TGIF1: variants seen among roughly 807,000 people sequenced by gnomAD.
TGIF1 encodes the protein TGFB induced factor homeobox 1, also known as homeobox protein TGIF1.
In TGIF1, 4 loss-of-function variants were observed where a neutral mutation model predicts 19.3. The observed-to-expected ratio is 0.21, with a 90% CI of 0.10 to 0.47. The LOEUF is 0.47. TGIF1 is among the 20% of genes least tolerant of loss of function. TGIF1 has a pLI of 0.98. For synonymous variants in TGIF1, 122 were observed against 129.3 expected (o/e 0.94, Z 0.38); for missense variants, 275 against 341.4 (o/e 0.81, Z 1.53).
At chr18:3,422,741 A>G (rs1330844182) in intron 2 of TGIF1, among the ~76,000 whole-genome samples, 3 of 120,874 alleles carry the variant, frequency 2.5e-5, no homozygotes, top group Non-Finnish European at 4.8e-5. Context: ...CCCAGTCTGG[A>G]GTGCAGTGGC....
intron 2 of TGIF1, among the ~76,000 whole-genome samples, chr18:3,433,588 G>T (rs7235852): frequency 0.7 from 105,691 of 152,028 alleles, 36,954 homozygotes; most frequent in East Asian, 0.92. Flanking sequence ...AAGCCTCCAT[G>T]TTAGAATGAA....
intron 2 of TGIF1, among the ~76,000 whole-genome samples, chr18:3,424,505 C>G (rs986847679): frequency 6.7e-6 from 1 of 149,496 alleles, no homozygotes; most frequent in Admixed American, 6.7e-5. Context: ...TTGTGAAATA[C>G]TACTTGGTCT....
chr18:3,447,993 A>G, upstream of TGIF1: 3 of 939,906 alleles, frequency 3.2e-6, no homozygotes, highest in South Asian at 9.8e-5. Flanking sequence ...ACCTTTGTGT[A>G]CATAATGAGA....
At chr18:3,450,021 G>A, upstream of TGIF1, 1 of 992,316 alleles carries the variant, frequency 1.0e-6, no homozygotes, top group Non-Finnish European at 1.2e-6. Context: ...CGCCCCCGAG[G>A]GACGAGTGAC....
At chr18:3,445,380 C>G (rs1045618776), upstream of TGIF1, among the ~76,000 whole-genome samples, 5 of 152,048 alleles carry the variant, frequency 3.3e-5, no homozygotes, top group Non-Finnish European at 5.9e-5. Context: ...CCATGTCTCA[C>G]TTAGTATATT....
chr18:3,446,209 A>G (rs572340731), upstream of TGIF1, among the ~76,000 whole-genome samples: 1 of 152,308 alleles, frequency 6.6e-6, no homozygotes, highest in South Asian at 2.1e-4. Flanking sequence ...TTTGAGACAG[A>G]GTCTTGCTCT....
chr18:3,454,502 T>TA (rs146905230), intron 1 of TGIF1, among the ~76,000 whole-genome samples: 16 of 152,138 alleles, frequency 1.1e-4, no homozygotes, highest in Non-Finnish European at 2.1e-4. Flanking sequence ...ACACTTTTTT[T>TA]AAAAGTTCGA....
At chr18:3,429,419 A>G (rs569074458) in intron 2 of TGIF1, among the ~76,000 whole-genome samples, 15 of 152,074 alleles carry the variant, frequency 9.9e-5, no homozygotes, top group Non-Finnish European at 2.2e-4. Context: ...TTTCACAGTT[A>G]TTTTCTCAAC....
At chr18:3,428,285 A>C (rs978491079) in intron 2 of TGIF1, among the ~76,000 whole-genome samples, 10 of 152,188 alleles carry the variant, frequency 6.6e-5, no homozygotes, top group African/African-American at 2.4e-4. Flanking sequence ...TGTGTGACCA[A>C]ATGGGAGGTT....
At chr18:3,439,599 T>G (rs1423897905) in intron 2 of TGIF1, among the ~76,000 whole-genome samples, 1 of 152,020 alleles carries the variant, frequency 6.6e-6, no homozygotes, top group Non-Finnish European at 1.5e-5. Flanking sequence ...CGCCTCAGCC[T>G]CCCAAAGTGC....
At chr18:3,421,758 A>T (rs35416111) in intron 2 of TGIF1, among the ~76,000 whole-genome samples, 110,567 of 151,356 alleles carry the variant, frequency 0.73, 40,648 homozygotes, top group Admixed American at 0.78. Flanking sequence ...TTTCTGTTTA[A>T]TAAAAAAATT....
chr18:3,431,456 A>G (rs988663742), intron 2 of TGIF1, among the ~76,000 whole-genome samples: 16 of 152,010 alleles, frequency 1.1e-4, no homozygotes, highest in Non-Finnish European at 1.8e-4. Context: ...AAAAACTAAA[A>G]CTAAAATAAA....
At chr18:3,423,515 T>TA (rs537344847) in intron 2 of TGIF1, among the ~76,000 whole-genome samples, 153 of 151,788 alleles carry the variant, frequency 1.0e-3, no homozygotes, top group Non-Finnish European at 1.6e-3. Context: ...CCGTCTCTAC[T>TA]AAAAAAATAC....
At chr18:3,452,235 GCGCGCTGCCCACAGCCGCGTGCCCT>G in intron 1 of TGIF1, 1 of 1,608,834 alleles carries the variant, frequency 6.2e-7, no homozygotes, top group Non-Finnish European at 8.5e-7. Flanking sequence ...TCCTCCACCG[GCGCGCTGCCCACAGCCGCGTGCCCT>G]CTCCCCGGAG....
At chr18:3,430,017 G>A (rs4798093) in intron 2 of TGIF1, among the ~76,000 whole-genome samples, 77,229 of 152,058 alleles carry the variant, frequency 0.51, 21,430 homozygotes, top group East Asian at 0.91. Flanking sequence ...TTAGCCAGGC[G>A]TGGTGGTGGG....
intron 1 of TGIF1, among the ~76,000 whole-genome samples, chr18:3,416,232 A>G (rs1346375369): frequency 6.6e-6 from 1 of 152,188 alleles, no homozygotes; most frequent in Non-Finnish European, 1.5e-5. Flanking sequence ...AAAGAAAAAC[A>G]TTTGCAGCTG....
Position 3,433,544 on chromosome 18 carries a change from C to T in TGIF1, c.-45+15329C>T, listed in dbSNP as rs147825114. 9.0e-3 allele frequency among the ~76,000 whole-genome samples: 1,377 copies of T among 152,164 alleles called. 25 individuals are homozygous for T. The highest frequency in any genetic ancestry group is 0.031 in the African/African-American group (1,307 of 41,502). On this transcript the variant is annotated intron_variant, in intron 2 of 3. Coordinates refer to the TGIF1 transcript ENST00000401449. ...TTGTGATTCTACTTTTATGAAAAAC[C>T]TAGAATAGTCAAATTCATGGAGGTT...
In TGIF1 at chr18:3,456,782, C is replaced by T. The variant is rs1332014017; in HGVS notation, c.243+202C>T. On this transcript the variant is annotated intron_variant, in intron 2 of 2. Transcript: ENST00000343820. This position sits in a 1 kb window ranked among gnomAD's most constrained non-coding sequence, Gnocchi z 4.2. ...CACTTGACAGTCATCTATCAGATAG[C>T]ATTTCCTTTAATGCCTAAAAGAACC... 2 of 680,212 alleles carry T rather than the reference C, an allele frequency of 2.9e-6. No homozygotes were observed. Among genetic ancestry groups the T allele is most frequent in the South Asian group, 3.2e-5 (2 of 62,756 alleles). 42.1% of individuals were successfully genotyped at this position (680,212 alleles called of 1,614,324 possible).
rs1207232065 is a variant in TGIF1, at chr18:3,458,819, A to G, written c.*879A>G. ...TGCCCTTTTTCCACGTTACCCTTTA[A>G]AATAACCTTTGTTCAGTGGTACATT... On this transcript the variant is annotated 3_prime_UTR_variant, in exon 3 of 3. Transcript: ENST00000343820. 1 of 152,210 alleles carries G rather than the reference A, an allele frequency of 6.6e-6. No homozygotes were observed. The highest frequency in any genetic ancestry group is 2.4e-5 in the African/African-American group (1 of 41,444). The allele number at this position is 152,210 out of a possible 1,614,324, so 9.4% of individuals were successfully genotyped here.
Sources: gnomAD v4.1 joint callset for allele counts (sites outside exome capture counted in the v4.1 genomes callset) on GRCh38, gnomAD v4.1.1 for gene constraint, Gnocchi (gnomAD v3.1) non-coding constraint, MANE v1.5 for transcripts, NCBI Gene and HGNC (gene_info 2026-07-23, HGNC 2026-07-21) for gene names.